The following ROCK2 variants were observed in gnomAD, a reference collection of about 807,000 sequenced individuals.
The protein encoded by ROCK2 is Rho associated coiled-coil containing protein kinase 2.
In ROCK2, 61 loss-of-function variants were observed where a neutral mutation model predicts 195.1. The observed-to-expected ratio is 0.31, with a 90% CI of 0.25 to 0.39. ROCK2 has a LOEUF of 0.39. Among genes scored for constraint, ROCK2 ranks in the 10% least tolerant of loss-of-function variants. The pLI, the probability that ROCK2 is intolerant of heterozygous loss-of-function variation, is 1.00. For synonymous variants in ROCK2, 504 were observed against 545.5 expected, an observed-to-expected ratio of 0.92 and a Z score of 1.06; for missense variants, 1,109 against 1,637.4, an observed-to-expected ratio of 0.68 and a Z score of 5.57.
At chr2:11,195,768 G>A (rs1258060797) in intron 27 of ROCK2, among the ~76,000 whole-genome samples, 1 of 152,172 alleles carries the variant, frequency 6.6e-6, no homozygotes, top group Non-Finnish European at 1.5e-5. Context: ...GTCTGCCTCA[G>A]CCTCTCAAAG....
Position 11,228,059 on chromosome 2 carries a change from G to C in ROCK2, c.724-661C>G, listed in dbSNP as rs140458261. Among the ~76,000 whole-genome samples the C allele has an allele frequency of 3.2e-3, 493 of 152,266 alleles. 2 individuals carry two copies. Among genetic ancestry groups the C allele is most frequent in the African/African-American group, 0.011 (441 of 41,564 alleles). On this transcript the variant is annotated intron_variant, in intron 5 of 32. Transcript: ENST00000315872. ...GCAGATAATAAAATAATCCCTCCCT[G>C]ATGTCTTTTTGACAAGTAAAATAAC... is the stretch of plus-strand genomic sequence containing the variant.
chr2:11,210,211 A>T (rs1275745559), intron 18 of ROCK2, among the ~76,000 whole-genome samples: 1 of 152,020 alleles, frequency 6.6e-6, no homozygotes. Context: ...GTTCATTTTT[A>T]TCAATTCAGA....
At chr2:11,207,083 T>A (rs1178792319) in intron 20 of ROCK2, among the ~76,000 whole-genome samples, 1 of 152,192 alleles carries the variant, frequency 6.6e-6, no homozygotes, top group East Asian at 1.9e-4. Context: ...ATATTTACTA[T>A]ATATTTTATC....
intron 9 of ROCK2, among the ~76,000 whole-genome samples, chr2:11,219,991 G>A (rs910947504): frequency 6.6e-6 from 1 of 151,110 alleles, no homozygotes; most frequent in Non-Finnish European, 1.5e-5. Context: ...GATTACAGGC[G>A]CAAACCACCA....
rs558236191 is a variant in ROCK2, at chr2:11,225,624, G to C, written c.869-1164C>G. Among the ~76,000 whole-genome samples, 136 of 152,136 alleles carry C rather than the reference G, an allele frequency of 8.9e-4. 2 individuals are homozygous for C. Among genetic ancestry groups the C allele is most frequent in the African/African-American group, 3.2e-3 (132 of 41,508 alleles). ...TGAAGAGCTGAGCTAGCACCACCCA[G>C]CCTGGCAGTCGTGAGAATTTAAATG... is the stretch of plus-strand genomic sequence containing the variant. On this transcript the variant is annotated intron_variant, in intron 6 of 32. Transcript: ENST00000315872.
At chr2:11,268,030 A>C (rs1015063098) in intron 3 of ROCK2, among the ~76,000 whole-genome samples, 4 of 152,094 alleles carry the variant, frequency 2.6e-5, no homozygotes, top group African/African-American at 9.7e-5. Context: ...CTACCAACAA[A>C]TAAAATGCTG....
At chr2:11,207,401 AC>A (rs1664090460) in intron 20 of ROCK2, among the ~76,000 whole-genome samples, 1 of 152,240 alleles carries the variant, frequency 6.6e-6, no homozygotes, top group Admixed American at 6.5e-5. Context: ...AAGGAAACAA[AC>A]AGGCACACGG....
intron 1 of ROCK2, among the ~76,000 whole-genome samples, chr2:11,328,140 C>G (rs1668603364): frequency 6.6e-6 from 1 of 152,114 alleles, no homozygotes; most frequent in South Asian, 2.1e-4. Flanking sequence ...GCCATAAACC[C>G]CACCAAGACT....
At chr2:11,283,567 CAAAA>C in intron 3 of ROCK2, among the ~76,000 whole-genome samples, 1 of 55,322 alleles carries the variant, frequency 1.8e-5, no homozygotes, top group Admixed American at 2.4e-4. Flanking sequence ...GACTCCGTCT[CAAAA>C]AAAAAAAAAA....
At chr2:11,228,503 T>C (rs1329355226) in intron 5 of ROCK2, among the ~76,000 whole-genome samples, 2 of 152,106 alleles carry the variant, frequency 1.3e-5, no homozygotes, top group Non-Finnish European at 2.9e-5. Context: ...ATGGAAATAA[T>C]TGAGCAAACC....
chr2:11,188,170 G>A (rs1355283553), intron 32 of ROCK2, among the ~76,000 whole-genome samples: 2 of 148,678 alleles, frequency 1.3e-5, no homozygotes, highest in Admixed American at 1.3e-4. Context: ...GAGTGCAGTG[G>A]TGCGATCTCG....
intron 23 of ROCK2, 36 bp from the exon 24 acceptor site, chr2:11,198,810 A>G (rs1375556910): frequency 5.4e-6 from 6 of 1,105,844 alleles, no homozygotes; most frequent in East Asian, 4.7e-5. Context: ...ATCACATCCC[A>G]ATTTACACAA....
At chr2:11,233,147 C>T (rs72787609) in intron 5 of ROCK2, among the ~76,000 whole-genome samples, 6,476 of 152,180 alleles carry the variant, frequency 0.043, 281 homozygotes, top group Non-Finnish European at 0.06. Flanking sequence ...CCAGGGGTTT[C>T]GGGCTACAGT....
chr2:11,245,810 T>C (rs2148121425), intron 4 of ROCK2, among the ~76,000 whole-genome samples: 1 of 152,270 alleles, frequency 6.6e-6, no homozygotes, highest in Middle Eastern at 3.4e-3. Context: ...ATCAATAAGA[T>C]ATTCAAAGGA....
intron 20 of ROCK2, among the ~76,000 whole-genome samples, chr2:11,204,360 T>C (rs1285725836): frequency 6.6e-6 from 1 of 152,166 alleles, no homozygotes; most frequent in African/African-American, 2.4e-5. Context: ...GTTTACTAGA[T>C]GAGAACTCTA....
At chr2:11,315,960 C>G (rs1440927010) in intron 1 of ROCK2, among the ~76,000 whole-genome samples, 2 of 152,118 alleles carry the variant, frequency 1.3e-5, no homozygotes, top group Admixed American at 1.3e-4. Flanking sequence ...GCACTTGAAA[C>G]AAGGCTAGCA....
chr2:11,205,516 A>G (rs1314713985), intron 20 of ROCK2, among the ~76,000 whole-genome samples: 1 of 151,856 alleles, frequency 6.6e-6, no homozygotes, highest in Non-Finnish European at 1.5e-5. Flanking sequence ...CTGGAATCTT[A>G]CAAGAAAGAA....
chr2:11,328,094 T>C (rs1668602303), intron 1 of ROCK2, among the ~76,000 whole-genome samples: 1 of 152,266 alleles, frequency 6.6e-6, no homozygotes, highest in Non-Finnish European at 1.5e-5. Flanking sequence ...ACATCTCTGA[T>C]ATGAAACTTC....
In ROCK2 at chr2:11,179,782, ATTTTAT is replaced by A. The variant is rs1662899037; in HGVS notation, c.*3649_*3654del. ...TATGAAAATGCTTATGTCTCCATTT[ATTTTAT>A]TTTATTTTTTTATAAAAAAGCAGGC... is the stretch of plus-strand genomic sequence containing the variant. On this transcript the variant is annotated 3_prime_UTR_variant, in exon 33 of 33. Transcript: ENST00000315872. The A allele has an allele frequency of 6.6e-6, 1 of 152,128 alleles. No homozygotes were observed. The highest frequency in any genetic ancestry group is 1.5e-5 in the Non-Finnish European group (1 of 68,008). 9.4% of individuals were successfully genotyped at this position (152,128 alleles called of 1,614,324 possible).
Sources: gnomAD v4.1 joint callset for allele counts (sites outside exome capture counted in the v4.1 genomes callset) on GRCh38, gnomAD v4.1.1 for gene constraint, MANE v1.5 for transcripts, NCBI Gene and HGNC (gene_info 2026-07-23, HGNC 2026-07-21) for gene names.